The following L2HGDH variants were observed in gnomAD, a reference collection of about 807,000 sequenced individuals.
L2HGDH encodes the protein L-2-hydroxyglutarate dehydrogenase, also known as L-2-hydroxyglutarate dehydrogenase, mitochondrial.
In L2HGDH, 34 loss-of-function variants were observed where a neutral mutation model predicts 51.5. The observed-to-expected ratio is 0.66, with a 90% CI of 0.50 to 0.88. L2HGDH has a LOEUF of 0.88. Ranked by LOEUF, L2HGDH falls within the 40% of genes least tolerant of loss-of-function variation. L2HGDH has a pLI of 0.00. For missense variants in L2HGDH, 558 were observed against 571.9 expected, an observed-to-expected ratio of 0.98 and a Z score of 0.25; for synonymous variants, 198 against 197.9, an observed-to-expected ratio of 1.00 and a Z score of -0.01.
chr14:50,242,927 T>G lies in L2HGDH; in HGVS notation c.*4131A>C, dbSNP rs984214992. 5 of 985,330 alleles carry G rather than the reference T, an allele frequency of 5.1e-6. No individual in the cohort carries two copies. The African/African-American group carries it at 8.7e-5, about 17-fold the overall frequency. The allele number at this position is 985,330 out of a possible 1,614,324, so 61.0% of individuals were successfully genotyped here. On this transcript the variant is annotated 3_prime_UTR_variant, in exon 10 of 10. Transcript: ENST00000267436. ...ACCATGTCTCCTGTGTTTACAGGGATAGCTCATAGGTACAGCCATCAGGGT... is the reference window on the plus strand; with the variant it reads ...ACCATGTCTCCTGTGTTTACAGGGAGAGCTCATAGGTACAGCCATCAGGGT...
intron 8 of L2HGDH, 113 bp downstream of exon 8, chr14:50,267,640 T>C: frequency 1.2e-6 from 1 of 802,806 alleles, no homozygotes; most frequent in South Asian, 1.6e-5. Context: ...ACATTCAATA[T>C]ACCAATCACA....
At chr14:50,277,969 T>C (rs1890066150) in intron 6 of L2HGDH, among the ~76,000 whole-genome samples, 1 of 152,146 alleles carries the variant, frequency 6.6e-6, no homozygotes, top group African/African-American at 2.4e-5. Context: ...ATCAACTCTC[T>C]TCTGAATCTA....
At chr14:50,281,145 GA>G (rs898810120) in intron 5 of L2HGDH, among the ~76,000 whole-genome samples, 11 of 149,692 alleles carry the variant, frequency 7.3e-5, no homozygotes, top group South Asian at 6.4e-4. Flanking sequence ...AGAGAAAAAG[GA>G]AAAAAAAAAT....
intron 9 of L2HGDH, among the ~76,000 whole-genome samples, chr14:50,258,171 C>G (rs1209606125): frequency 6.6e-6 from 1 of 151,824 alleles, no homozygotes; most frequent in African/African-American, 2.4e-5. Flanking sequence ...CACAGCCAAT[C>G]TTGTTTCATC....
At position 50,245,656 on chromosome 14, in the gene L2HGDH, C is replaced by A; in HGVS notation, c.*1402G>T. On this transcript the variant is annotated 3_prime_UTR_variant, in exon 10 of 10. Transcript: ENST00000267436. Reference sequence around the variant, plus strand: ...ACTCTTCAAAATTAAAAGAATGTAACCTACAATATAATGTATTTTCTTGTC... The same window carrying A: ...ACTCTTCAAAATTAAAAGAATGTAAACTACAATATAATGTATTTTCTTGTC... The A allele has an allele frequency of 1.0e-6, 1 of 981,948 alleles. No homozygotes were observed. The highest frequency in any genetic ancestry group is 1.2e-6 in the Non-Finnish European group (1 of 826,894). 60.8% of individuals were successfully genotyped at this position (981,948 alleles called of 1,614,324 possible).
chr14:50,269,440 T>A, intron 6 of L2HGDH, 110 bp from the exon 7 acceptor site: 2 of 1,058,510 alleles, frequency 1.9e-6, no homozygotes, highest in Non-Finnish European at 2.8e-6. Flanking sequence ...GAATTTTTTC[T>A]AAAAGAGGAT....
rs1440449973 is a variant in L2HGDH, at chr14:50,243,617, T to G, written c.*3441A>C. ...TTTACAAGCAGAATAACCTACATAT[T>G]CAAAACACTTTCAACAAATTTTTCA... On this transcript the variant is annotated 3_prime_UTR_variant, in exon 10 of 10. Coordinates refer to ENST00000267436, the MANE Select transcript of L2HGDH (RefSeq NM_024884.3). 2 of 785,700 alleles carry G rather than the reference T, an allele frequency of 2.5e-6. No homozygotes were observed. The highest frequency in any genetic ancestry group is 1.9e-5 in the African/African-American group (1 of 53,370). 48.7% of individuals were successfully genotyped at this position (785,700 alleles called of 1,614,324 possible).
chr14:50,284,000 T>C lies in L2HGDH; in HGVS notation c.574A>G (p.Ile192Val), dbSNP rs755942764. 6.2e-7 allele frequency: 1 copy of C among 1,614,086 alleles called. No individual in the cohort carries two copies. The highest frequency in any genetic ancestry group is 2.2e-5 in the East Asian group (1 of 44,880). Reference sequence around the variant, plus strand: ...AAAGCCACCTGCCGATAGTCCACAATGCCAGTATGTGGACAATCAATAGCC... The same window carrying C: ...AAAGCCACCTGCCGATAGTCCACAACGCCAGTATGTGGACAATCAATAGCC... The part of the protein sequence containing the change: ...LMAIDCPHTG[I>V]VDYRQVALSF... The change falls in exon 5 of 10, where the codon ATT becomes GTT. Residue 192 changes from isoleucine to valine, a missense_variant. Ile to Val is a conservative substitution (Grantham distance 29). Around this residue, in one of 3 missense-constraint regions of L2HGDH, gnomAD observed 43 missense variants for 72.9 expected, o/e 0.59. Coordinates refer to ENST00000267436, the MANE Select transcript of L2HGDH (RefSeq NM_024884.3).
At chr14:50,295,776 T>C (rs1490077320) in intron 3 of L2HGDH, among the ~76,000 whole-genome samples, 1 of 148,808 alleles carries the variant, frequency 6.7e-6, no homozygotes, top group Non-Finnish European at 1.5e-5. Flanking sequence ...TTCGCTCTTG[T>C]CACCCAGGCT....
At chr14:50,279,008 T>C (rs1890117114) in intron 5 of L2HGDH, among the ~76,000 whole-genome samples, 1 of 152,210 alleles carries the variant, frequency 6.6e-6, no homozygotes, top group African/African-American at 2.4e-5. Flanking sequence ...AAACTTCTAA[T>C]AAAAAATTGA....
intron 3 of L2HGDH, among the ~76,000 whole-genome samples, chr14:50,301,228 G>A (rs1258394595): frequency 1.3e-5 from 2 of 152,196 alleles, no homozygotes; most frequent in Non-Finnish European, 2.9e-5. Context: ...TGGTGGGAAT[G>A]TAAAATAGCA....
intron 9 of L2HGDH, among the ~76,000 whole-genome samples, chr14:50,258,764 C>A (rs968550449): frequency 6.6e-6 from 1 of 152,116 alleles, no homozygotes; most frequent in African/African-American, 2.4e-5. Flanking sequence ...CCTCCTGATT[C>A]AGCCTCCCAA....
At chr14:50,258,173 T>G (rs1888790197) in intron 9 of L2HGDH, among the ~76,000 whole-genome samples, 1 of 152,026 alleles carries the variant, frequency 6.6e-6, no homozygotes, top group Non-Finnish European at 1.5e-5. Context: ...CAGCCAATCT[T>G]GTTTCATCTA....
chr14:50,254,168 A>G (rs1264795110), intron 9 of L2HGDH, among the ~76,000 whole-genome samples: 1 of 152,144 alleles, frequency 6.6e-6, no homozygotes, highest in Non-Finnish European at 1.5e-5. Context: ...ATTTGATTGT[A>G]TATTTAAAAA....
At chr14:50,303,057 A>G (rs2030509192) in intron 1 of L2HGDH, 40 bp from the exon 2 acceptor site, 3 of 1,264,220 alleles carry the variant, frequency 2.4e-6, no homozygotes, top group Non-Finnish European at 3.5e-6. Flanking sequence ...TCATATTTAC[A>G]GTAGACCTCG....
chr14:50,284,731 T>C (rs539655394), intron 4 of L2HGDH, among the ~76,000 whole-genome samples: 1 of 152,282 alleles, frequency 6.6e-6, no homozygotes, highest in Admixed American at 6.5e-5. Context: ...ATATATCAGT[T>C]CTCCCAATCA....
At chr14:50,298,777 C>G (rs771238250) in intron 3 of L2HGDH, among the ~76,000 whole-genome samples, 3 of 152,110 alleles carry the variant, frequency 2.0e-5, no homozygotes, top group Non-Finnish European at 4.4e-5. Flanking sequence ...ATTTAAAAAT[C>G]TGTTGAAACA....
At chr14:50,293,745 C>T (rs1333807167) in intron 4 of L2HGDH, among the ~76,000 whole-genome samples, 1 of 152,186 alleles carries the variant, frequency 6.6e-6, no homozygotes, top group Non-Finnish European at 1.5e-5. Context: ...GGATAAACTT[C>T]AATGTTATTA....
At chr14:50,309,659 T>C (rs1034684242) in intron 1 of L2HGDH, among the ~76,000 whole-genome samples, 2 of 150,952 alleles carry the variant, frequency 1.3e-5, no homozygotes, top group African/African-American at 2.4e-5. Context: ...ACAGATAACC[T>C]TGTGGCAATA....
Sources: gnomAD v4.1 joint callset for allele counts (sites outside exome capture counted in the v4.1 genomes callset) on GRCh38, gnomAD v4.1.1 for gene constraint, gnomAD v4.1.1 regional missense constraint, MANE v1.5 for transcripts, NCBI Gene and HGNC (gene_info 2026-07-23, HGNC 2026-07-21) for gene names.